Variants in GRIK4 observed in about 807,000 individuals in gnomAD.
GRIK4 encodes glutamate ionotropic receptor kainate type subunit 4.
In GRIK4, 40 loss-of-function variants were observed where a neutral mutation model predicts 104.9. The ratio of observed to expected loss-of-function variants is 0.38; its 90% confidence interval spans 0.30 to 0.50. The LOEUF (loss-of-function observed/expected upper bound fraction) is 0.50. GRIK4 is among the 20% of genes least tolerant of loss of function. The probability of loss-of-function intolerance (pLI) is 0.93; values close to 1 mark genes in which losing one functional copy is unlikely to be tolerated. For missense variants in GRIK4, 1,047 were observed against 1,308.1 expected (o/e 0.80, Z 3.08); for synonymous variants, 485 against 524.9 (o/e 0.92, Z 1.04).
intron 3 of GRIK4, among the ~76,000 whole-genome samples, chr11:120,750,521 C>T (rs1026539040): frequency 2.7e-5 from 4 of 149,696 alleles, no homozygotes; most frequent in Non-Finnish European, 6.0e-5. Context: ...CATGTGCCAC[C>T]GTGCTTGGTT....
intron 3 of GRIK4, among the ~76,000 whole-genome samples, chr11:120,740,342 T>C (rs564824622): frequency 6.6e-6 from 1 of 152,282 alleles, no homozygotes; most frequent in Non-Finnish European, 1.5e-5. Context: ...ACAGCCAGCC[T>C]TTTGCGGTGG....
At chr11:120,899,002 G>A (rs374156230) in intron 12 of GRIK4, among the ~76,000 whole-genome samples, 2 of 152,264 alleles carry the variant, frequency 1.3e-5, no homozygotes, top group South Asian at 2.1e-4. Flanking sequence ...ACCTTGCTGG[G>A]TGCCTGCTGT....
intron 1 of GRIK4, among the ~76,000 whole-genome samples, chr11:120,522,523 G>A (rs1312126608): frequency 6.6e-6 from 1 of 152,056 alleles, no homozygotes; most frequent in African/African-American, 2.4e-5. Context: ...GTTTCACCAT[G>A]TTGGCCAGGC....
At chr11:120,766,304 C>G (rs570732793) in intron 3 of GRIK4, among the ~76,000 whole-genome samples, 4 of 152,336 alleles carry the variant, frequency 2.6e-5, no homozygotes, top group African/African-American at 9.6e-5. Flanking sequence ...CCCCTCCCCC[C>G]ACCAAGCCTG....
chr11:120,824,642 C>T (rs113184379), intron 6 of GRIK4, among the ~76,000 whole-genome samples: 3 of 146,432 alleles, frequency 2.0e-5, no homozygotes, highest in South Asian at 2.1e-4. Context: ...CTTCATCTCT[C>T]GGGTTCAAGT....
intron 1 of GRIK4, among the ~76,000 whole-genome samples, chr11:120,529,450 G>C (rs1226036055): frequency 6.6e-6 from 1 of 152,192 alleles, no homozygotes; most frequent in Non-Finnish European, 1.5e-5. Context: ...AGTTACTACA[G>C]GGACGAGCCT....
At chr11:120,893,398 G>T (rs1340964041) in intron 11 of GRIK4, among the ~76,000 whole-genome samples, 1 of 152,218 alleles carries the variant, frequency 6.6e-6, no homozygotes, top group East Asian at 1.9e-4. Flanking sequence ...ATGGCATTAA[G>T]AATCTGTAGG....
intron 1 of GRIK4, among the ~76,000 whole-genome samples, chr11:120,534,431 A>G (rs1448813859): frequency 1.3e-5 from 2 of 152,142 alleles, no homozygotes; most frequent in Non-Finnish European, 2.9e-5. Flanking sequence ...TAGGGGGCAC[A>G]GGGGCTTTAA....
At chr11:120,978,035 A>C (rs1944589864) in intron 19 of GRIK4, among the ~76,000 whole-genome samples, 1 of 152,254 alleles carries the variant, frequency 6.6e-6, no homozygotes, top group African/African-American at 2.4e-5. Flanking sequence ...TTAATTAAAA[A>C]GGAATACATA....
chr11:120,846,955 C>A (rs1315230687), intron 8 of GRIK4, among the ~76,000 whole-genome samples: 1 of 152,168 alleles, frequency 6.6e-6, no homozygotes, highest in Non-Finnish European at 1.5e-5. Flanking sequence ...AGTGGGGGAG[C>A]ACCCCTGTCT....
chr11:120,717,633 T>G (rs1472559761), intron 3 of GRIK4, among the ~76,000 whole-genome samples: 1 of 152,126 alleles, frequency 6.6e-6, no homozygotes, highest in East Asian at 1.9e-4. Context: ...CCTCATTTCC[T>G]TACTTACAAG....
intron 1 of GRIK4, among the ~76,000 whole-genome samples, chr11:120,570,040 T>C (rs1441242065): frequency 1.3e-5 from 2 of 152,210 alleles, no homozygotes; most frequent in African/African-American, 4.8e-5. Flanking sequence ...CAGAGTTACA[T>C]GAAAATGGTG....
intron 3 of GRIK4, among the ~76,000 whole-genome samples, chr11:120,744,023 G>A (rs1353323612): frequency 6.6e-6 from 1 of 152,220 alleles, no homozygotes; most frequent in Non-Finnish European, 1.5e-5. Flanking sequence ...CCTCTAAGGT[G>A]TGCAGCTGAA....
chr11:120,819,358 TGATG>T lies in GRIK4; in HGVS notation c.346-396_346-393del, dbSNP rs1953045235. On this transcript the variant is annotated intron_variant, in intron 5 of 20. Transcript: ENST00000527524. This position sits in a 1 kb window ranked among gnomAD's most constrained non-coding sequence, Gnocchi z 4.3. ...TTTTCTCTTTCTGCCGTCTCTGCTC[TGATG>T]TATTAACTACAAATAAAATATTCTA... is the stretch of plus-strand genomic sequence containing the variant. Among the ~76,000 whole-genome samples the T allele has an allele frequency of 6.6e-6, 1 of 152,234 alleles. No homozygotes were observed. Among genetic ancestry groups the T allele is most frequent in the South Asian group, 2.1e-4 (1 of 4,832 alleles).
intron 3 of GRIK4, among the ~76,000 whole-genome samples, chr11:120,725,184 T>A (rs1435633173): frequency 6.6e-6 from 1 of 152,154 alleles, no homozygotes; most frequent in African/African-American, 2.4e-5. Flanking sequence ...TGAATAAGAG[T>A]TGAGAACCAT....
intron 6 of GRIK4, among the ~76,000 whole-genome samples, chr11:120,821,556 G>A (rs1022407336): frequency 1.6e-4 from 25 of 152,178 alleles, no homozygotes; most frequent in African/African-American, 5.3e-4. Flanking sequence ...CTTCTAAGGC[G>A]AGGCAGTTCT....
chr11:120,676,039 G>A (rs1950094281), intron 3 of GRIK4, among the ~76,000 whole-genome samples: 1 of 152,276 alleles, frequency 6.6e-6, no homozygotes, highest in Non-Finnish European at 1.5e-5. Context: ...TGCTCATTTG[G>A]GTTGTGGATG....
chr11:120,899,539 A>G (rs1476632945), intron 12 of GRIK4, among the ~76,000 whole-genome samples: 1 of 151,840 alleles, frequency 6.6e-6, no homozygotes, highest in African/African-American at 2.4e-5. Flanking sequence ...GCCATGTGCC[A>G]GGTGCTGTAC....
intron 14 of GRIK4, among the ~76,000 whole-genome samples, chr11:120,947,251 A>C (rs1251306145): frequency 6.6e-6 from 1 of 152,052 alleles, no homozygotes; most frequent in Non-Finnish European, 1.5e-5. Context: ...AAAATACAAA[A>C]ATTAGCCGGG....
Sources: allele counts gnomAD v4.1 joint callset (sites outside exome capture counted in the v4.1 genomes callset), GRCh38; gene constraint gnomAD v4.1.1; non-coding constraint Gnocchi (gnomAD v3.1); transcripts MANE v1.5; gene names NCBI Gene and HGNC (gene_info 2026-07-23, HGNC 2026-07-21).